Variants in RGL3 observed in about 807,000 individuals in gnomAD.
RGL3 encodes ral guanine nucleotide dissociation stimulator like 3.
Under a neutral mutation model 90.6 loss-of-function variants are expected in RGL3, and 85 were observed. The ratio of observed to expected loss-of-function variants is 0.94; its 90% CI spans 0.79 to 1.12. RGL3 has a LOEUF of 1.12. RGL3 is among the 50% of genes most tolerant of loss of function. The pLI is 0.00. For missense variants in RGL3, 1,034 were observed against 939.2 expected (o/e 1.10, Z -1.32); for synonymous variants, 408 against 385.5 (o/e 1.06, Z -0.68).
rs201088422 is a variant in RGL3, at chr19:11,397,592, G to C, written c.1752C>G (p.Pro584=). 1.9e-6 allele frequency: 3 copies of C among 1,557,498 alleles called. No individual in the cohort carries two copies. Among genetic ancestry groups the C allele is most frequent in the Non-Finnish European group, 2.6e-6 (3 of 1,149,484 alleles). ...GGGGGCTGGGCAGGTCCAGGCTCAG[G>C]GGCAGCTGCAGGCAGTAAGGGGTGG... ...PGPQGPSTKL[P]LSLDLPSPRP... Residue 584 remains proline (P), a synonymous_variant, in exon 17 of 19, where the codon CCC becomes CCG. Transcript: ENST00000380456.
At position 11,394,165 on chromosome 19, in the gene RGL3, C is replaced by A. The variant is rs1159933322; in HGVS notation, c.*237G>T. ...GGGATTTGACGTATCCATGCCCCAC[C>A]TCTTTCTACATTTATGGGATTGAGC... On this transcript the variant is annotated 3_prime_UTR_variant, in exon 19 of 19. Transcript: ENST00000380456. The A allele has an allele frequency of 4.2e-6, 2 of 477,610 alleles. No individual in the cohort carries two copies. Among genetic ancestry groups the A allele is most frequent in the East Asian group, 3.6e-5 (1 of 28,046 alleles). The allele number at this position is 477,610 out of a possible 1,614,324, so 29.6% of individuals were successfully genotyped here.
chr19:11,396,375 G>A (rs563678684), intron 18 of RGL3, among the ~76,000 whole-genome samples: 31 of 149,666 alleles, frequency 2.1e-4, no homozygotes, highest in Non-Finnish European at 3.6e-4. Flanking sequence ...TCACCATGTT[G>A]GCCAGGCTGG....
chr19:11,415,497 C>T (rs1476020197), intron 5 of RGL3, among the ~76,000 whole-genome samples: 8 of 151,586 alleles, frequency 5.3e-5, no homozygotes, highest in Non-Finnish European at 7.4e-5. Flanking sequence ...TTTTTTTAGA[C>T]GGAGTTTCGC....
chr19:11,405,453 G>C (rs1431617245), intron 7 of RGL3, 27 bp from the exon 8 acceptor site: 2 of 1,247,906 alleles, frequency 1.6e-6, no homozygotes, highest in Non-Finnish European at 2.2e-6. Flanking sequence ...ACGCAGGTCA[G>C]ACCCAGGCAT....
intron 2 of RGL3, among the ~76,000 whole-genome samples, chr19:11,417,506 T>G (rs1204875831): frequency 6.2e-5 from 9 of 145,202 alleles, no homozygotes; most frequent in Non-Finnish European, 1.3e-4. Context: ...AATCTCACTC[T>G]GTCACCTAGG....
rs866101524 is a variant in RGL3 at position 11,414,210 on chromosome 19, T to C, written c.637+1727A>G. On this transcript the variant is annotated intron_variant, in intron 5 of 18. Coordinates refer to ENST00000380456, the MANE Select transcript of RGL3 (RefSeq NM_001035223.4). ...ATATATATACCTTTATATATATATA[T>C]ACCTTTATATATATATACCTTTATA... Among the ~76,000 whole-genome samples, 429 of 94,582 alleles carry C rather than the reference T, an allele frequency of 4.5e-3. 6 individuals carry two copies. The highest frequency in any genetic ancestry group is 0.021 in the Middle Eastern group (4 of 194). 62.0% of individuals were successfully genotyped at this position (94,582 alleles called of 152,430 possible).
intron 16 of RGL3, among the ~76,000 whole-genome samples, chr19:11,399,511 G>A (rs1184001270): frequency 2.0e-5 from 3 of 152,122 alleles, no homozygotes; most frequent in East Asian, 1.9e-4. Context: ...GGAAGTTGCG[G>A]TGAGCTGAGA....
chr19:11,396,136 C>CTATATATATATATA (rs1568334082), intron 18 of RGL3, among the ~76,000 whole-genome samples: 1 of 17,904 alleles, frequency 5.6e-5, no homozygotes, highest in Non-Finnish European at 1.0e-4. Flanking sequence ...CTCTCTCTCT[C>CTATATATATATATA]TATATATATA....
At chr19:11,406,899 T>G in intron 5 of RGL3, 35 bp from the exon 6 acceptor site, 1 of 1,590,344 alleles carries the variant, frequency 6.3e-7, no homozygotes, top group Non-Finnish European at 8.6e-7. Context: ...CTCTCAAGTT[T>G]GAATCCAAGA....
At position 11,416,391 on chromosome 19, in the gene RGL3, G is replaced by A. The variant is rs546879403; in HGVS notation, c.425+223C>T. ...TTGTTGTATTTTTAGTAGAGACAGGGTTTCGCCATATTGGCCAGGATGGTC... is the reference window on the plus strand; with the variant it reads ...TTGTTGTATTTTTAGTAGAGACAGGATTTCGCCATATTGGCCAGGATGGTC... On this transcript the variant is annotated intron_variant, in intron 4 of 18. Transcript: ENST00000380456. The A allele has an allele frequency of 4.1e-4, 258 of 622,944 alleles. No homozygotes were observed. The African/African-American group carries it at 4.4e-3, about 11-fold the overall frequency. The allele number at this position is 622,944 out of a possible 1,614,324, so 38.6% of individuals were successfully genotyped here.
At chr19:11,414,899 G>C (rs570976472) in intron 5 of RGL3, among the ~76,000 whole-genome samples, 1 of 152,118 alleles carries the variant, frequency 6.6e-6, no homozygotes, top group Admixed American at 6.6e-5. Flanking sequence ...CATTTTGGGA[G>C]GCCAAGGCAG....
intron 5 of RGL3, among the ~76,000 whole-genome samples, chr19:11,414,528 T>C (rs56000908): frequency 0.087 from 6,427 of 73,984 alleles, 612 homozygotes; most frequent in East Asian, 0.31. Flanking sequence ...TATATATATA[T>C]ACCTTTATAT....
Position 11,405,494 on chromosome 19 carries a change from C to CT in RGL3, c.997-69dup, listed in dbSNP as rs771398199. 438 of 163,768 alleles carry CT rather than the reference C, an allele frequency of 2.7e-3. 34 individuals are homozygous for CT. Among genetic ancestry groups the CT allele is most frequent in the Middle Eastern group, 4.0e-3 (2 of 502 alleles). The allele number at this position is 163,768 out of a possible 1,614,324, so 10.1% of individuals were successfully genotyped here. A position where few individuals can be genotyped will look rare whatever the true frequency, so the allele number is the denominator to read the frequency against. ...ACCTTTCATCCTGAAACTTCTTCAT[C>CT]TTTTTTTTTTTTTTTTTTTTTTTTT... On this transcript the variant is annotated intron_variant, in intron 7 of 18. Coordinates refer to ENST00000380456, the MANE Select transcript of RGL3 (RefSeq NM_001035223.4).
At chr19:11,405,494 CTTTTTTTTTTTTTTTTTTTTTTTT>C (rs771398199) in intron 7 of RGL3, 68 bp from the exon 8 acceptor site, 4,067 of 162,772 alleles carry the variant, frequency 0.025, 34 homozygotes, top group East Asian at 0.099. Context: ...ACTTCTTCAT[CTTTTTTTTTTTTTTTTTTTTTTTT>C]TTTTTTTTTT....
Position 11,416,069 on chromosome 19 carries a change from C to T in RGL3, c.505G>A (p.Gly169Ser), listed in dbSNP as rs1487983787. The T allele has an allele frequency of 3.7e-6, 6 of 1,613,008 alleles. No homozygotes were observed. The highest frequency in any genetic ancestry group is 2.2e-5 in the South Asian group (2 of 90,958). Residue 169 changes from glycine to serine, a missense_variant, in exon 5 of 19, where the codon GGC (glycine) becomes AGC (serine). By Grantham distance (56) the Gly-to-Ser change is moderately conservative (BLOSUM62 0). Coordinates refer to ENST00000380456, the MANE Select transcript of RGL3 (RefSeq NM_001035223.4). ...FRDHPAHSDLGSVRTFLGWAA... is the reference protein window; with the variant it reads ...FRDHPAHSDLSSVRTFLGWAA... ...CAGCCCAGAAAGGTTCGGACACTGC[C>T]CAGGTCCGAATGGGCAGGGTGGTCT...
At chr19:11,398,877 G>A (rs73510689) in intron 16 of RGL3, among the ~76,000 whole-genome samples, 23,387 of 151,088 alleles carry the variant, frequency 0.15, 2,941 homozygotes, top group African/African-American at 0.35. Flanking sequence ...CACCACGTTG[G>A]CCAGGATGGT....
intron 18 of RGL3, among the ~76,000 whole-genome samples, chr19:11,396,154 ATATATTTTTTTT>A (rs1477586646): frequency 1.1e-4 from 7 of 65,886 alleles, no homozygotes; most frequent in African/African-American, 4.4e-4. Context: ...ATATATATAT[ATATATTTTTTTT>A]TTTTTTTTTT....
rs1425159637 is a variant in RGL3 at position 11,400,291 on chromosome 19, C to A, written c.1491G>T (p.Arg497=). The A allele has an allele frequency of 6.3e-7, 1 of 1,583,160 alleles. No individual in the cohort carries two copies. The highest frequency in any genetic ancestry group is 1.8e-5 in the Admixed American group (1 of 55,586). ...QNQLTEEQSY[R]LSRVIEPPAA... ...CTGGTGGCTCAATGACCCGGGAGAGCCGGTAGCTGAGGGGTCAATATGTGG... is the reference window on the plus strand; with the variant it reads ...CTGGTGGCTCAATGACCCGGGAGAGACGGTAGCTGAGGGGTCAATATGTGG... Residue 497 remains arginine (R), a synonymous_variant, in exon 14 of 19, where the codon CGG becomes CGT. Coordinates refer to ENST00000380456, the MANE Select transcript of RGL3 (RefSeq NM_001035223.4).
rs1200627976 is a variant in RGL3, at chr19:11,394,359, C to T, written c.*43G>A. On this transcript the variant is annotated 3_prime_UTR_variant, in exon 19 of 19. Coordinates refer to ENST00000380456, the MANE Select transcript of RGL3 (RefSeq NM_001035223.4). ...AGCTTTCCAGGAGAAGAGTCGCAAGCTTGCCTGTGGGACTTGTGTCTTGTG... is the reference window on the plus strand; with the variant it reads ...AGCTTTCCAGGAGAAGAGTCGCAAGTTTGCCTGTGGGACTTGTGTCTTGTG... 6.7e-7 allele frequency: 1 copy of T among 1,487,640 alleles called. No homozygotes were observed. The highest frequency in any genetic ancestry group is 2.3e-5 in the East Asian group (1 of 44,240). The allele number at this position is 1,487,640 out of a possible 1,614,324, so 92.2% of individuals were successfully genotyped here. A position where few individuals can be genotyped will look rare whatever the true frequency, so the allele number is the denominator to read the frequency against.
Sources: allele counts gnomAD v4.1 joint callset (sites outside exome capture counted in the v4.1 genomes callset), GRCh38; gene constraint gnomAD v4.1.1; transcripts MANE v1.5; gene names NCBI Gene and HGNC (gene_info 2026-07-23, HGNC 2026-07-21).